CACNA1C: variants seen among roughly 807,000 people sequenced by gnomAD.
CACNA1C encodes calcium voltage-gated channel subunit alpha1 C.
A neutral mutation model predicts 229.0 loss-of-function variants in CACNA1C; 30 were observed. That is an observed-to-expected ratio of 0.13 (90% CI 0.10 to 0.18). CACNA1C has a LOEUF of 0.18. Among genes scored for constraint, CACNA1C ranks in the 10% least tolerant of loss-of-function variants. CACNA1C has a pLI of 1.00. For synonymous variants in CACNA1C, 1,114 were observed against 1,132.5 expected (o/e 0.98, Z 0.33); for missense variants, 1,658 against 2,845.0 (o/e 0.58, Z 9.49).
At chr12:1,984,717 A>G (rs756745204) in intron 1 of CACNA1C, among the ~76,000 whole-genome samples, 5 of 140,172 alleles carry the variant, frequency 3.6e-5, no homozygotes, top group Non-Finnish European at 6.1e-5. Context: ...TTTCCCTTTG[A>G]TATTATTCCT....
rs148618218 is a variant in CACNA1C at position 2,442,671 on chromosome 12, T to C, written c.478-6305T>C. ...TAAGAAAAGAGGTTTAATTGGCTCA[T>C]GGTTCTGTGGGCTGTACAGGAAGCA... On this transcript the variant is annotated intron_variant, in intron 3 of 46. Transcript: ENST00000399655. Among the ~76,000 whole-genome samples, 770 of 152,278 alleles carry C rather than the reference T, an allele frequency of 5.1e-3. 6 individuals are homozygous for C. The highest frequency in any genetic ancestry group is 0.017 in the African/African-American group (710 of 41,548).
intron 3 of CACNA1C, among the ~76,000 whole-genome samples, chr12:2,259,589 G>A (rs1316470326): frequency 2.0e-5 from 3 of 152,162 alleles, no homozygotes; most frequent in Non-Finnish European, 2.9e-5. Context: ...GGTTGGGGAC[G>A]ACTTATTTTT....
intron 3 of CACNA1C, among the ~76,000 whole-genome samples, chr12:2,230,263 C>T (rs536250761): frequency 6.6e-6 from 1 of 152,298 alleles, no homozygotes; most frequent in South Asian, 2.1e-4. Flanking sequence ...GGAAGGGCGC[C>T]ATGGGTGTAC....
At chr12:2,663,297 T>C (rs1311001531) in intron 34 of CACNA1C, among the ~76,000 whole-genome samples, 1 of 152,180 alleles carries the variant, frequency 6.6e-6, no homozygotes, top group African/African-American at 2.4e-5. Flanking sequence ...CAAGAATGGC[T>C]GCAATTTAAA....
At chr12:2,422,047 T>A (rs2098984567) in intron 3 of CACNA1C, among the ~76,000 whole-genome samples, 1 of 152,202 alleles carries the variant, frequency 6.6e-6, no homozygotes, top group Admixed American at 6.5e-5. Flanking sequence ...TAGACTTTAA[T>A]TTTTCAATTT....
At chr12:2,430,782 C>T (rs866589186) in intron 3 of CACNA1C, among the ~76,000 whole-genome samples, 1 of 152,142 alleles carries the variant, frequency 6.6e-6, no homozygotes. Flanking sequence ...CCTTTGTGTT[C>T]CCTGCAGTCC....
rs955436470 is a variant in CACNA1C at position 2,160,410 on chromosome 12, T to C, written c.477+39980T>C. ...AAAGAGGACCAAATATCTGCCACCC[T>C]GCATCCTCAGACGGCTCGTAACTTT... On this transcript the variant is annotated intron_variant, in intron 3 of 46. Coordinates refer to ENST00000399655, the MANE Select transcript of CACNA1C (RefSeq NM_000719.7). Among the ~76,000 whole-genome samples the C allele has an allele frequency of 3.3e-5, 5 of 152,346 alleles. 1 individual carries two copies. Among genetic ancestry groups the C allele is most frequent in the Admixed American group, 1.3e-4 (2 of 15,306 alleles).
chr12:2,062,682 C>T (rs1191782950), intron 1 of CACNA1C, among the ~76,000 whole-genome samples: 1 of 152,186 alleles, frequency 6.6e-6, no homozygotes. Flanking sequence ...TGCCAGGGCC[C>T]TCCTTGCTTC....
chr12:2,532,690 T>A (rs1322722994), intron 9 of CACNA1C, among the ~76,000 whole-genome samples: 3 of 152,138 alleles, frequency 2.0e-5, no homozygotes, highest in Non-Finnish European at 4.4e-5. Context: ...CAGGACTCCA[T>A]CCCCAAATCA....
At chr12:1,999,113 G>C (rs1352709914) in intron 1 of CACNA1C, among the ~76,000 whole-genome samples, 1 of 152,202 alleles carries the variant, frequency 6.6e-6, no homozygotes, top group Admixed American at 6.5e-5. Flanking sequence ...TATTAGAAAT[G>C]CAAGCTCTTG....
chr12:2,616,559 C>T (rs2080696187), intron 29 of CACNA1C, among the ~76,000 whole-genome samples: 1 of 152,260 alleles, frequency 6.6e-6, no homozygotes, highest in Non-Finnish European at 1.5e-5. Context: ...CCTAAGAAGG[C>T]AGCAAGCGCA....
At chr12:2,450,381 C>G (rs572907913) in intron 4 of CACNA1C, among the ~76,000 whole-genome samples, 4 of 151,582 alleles carry the variant, frequency 2.6e-5, no homozygotes, top group African/African-American at 9.7e-5. Flanking sequence ...GGTGAAACCC[C>G]GTCTCTACTA....
chr12:2,294,719 C>T (rs535855405), intron 3 of CACNA1C, among the ~76,000 whole-genome samples: 1 of 152,164 alleles, frequency 6.6e-6, no homozygotes, highest in Non-Finnish European at 1.5e-5. Flanking sequence ...TAATATGTAA[C>T]ATGTCGCCTC....
chr12:2,281,448 T>C (rs1021400120), intron 3 of CACNA1C, among the ~76,000 whole-genome samples: 3 of 152,210 alleles, frequency 2.0e-5, no homozygotes, highest in Non-Finnish European at 4.4e-5. Context: ...CTTTAACATG[T>C]CTTGCAGTGC....
intron 1 of CACNA1C, among the ~76,000 whole-genome samples, chr12:2,111,202 C>T (rs935363479): frequency 1.3e-5 from 2 of 152,232 alleles, no homozygotes; most frequent in African/African-American, 4.8e-5. Context: ...TGGTGTGCTC[C>T]AGAAAGGTCC....
intron 3 of CACNA1C, among the ~76,000 whole-genome samples, chr12:2,437,940 AGTG>A (rs1186557609): frequency 6.8e-4 from 82 of 120,554 alleles, no homozygotes; most frequent in Admixed American, 1.8e-3. Flanking sequence ...GTGGCAGTGG[AGTG>A]GTGGTGGTGG....
chr12:2,053,435 A>G lies in CACNA1C; in HGVS notation c.-128A>G, dbSNP rs2052918304. 1.4e-6 allele frequency: 2 copies of G among 1,456,712 alleles called. No individual in the cohort carries two copies. Among genetic ancestry groups the G allele is most frequent in the East Asian group, 2.7e-5 (1 of 36,760 alleles). The allele number at this position is 1,456,712 out of a possible 1,614,324, so 90.2% of individuals were successfully genotyped here. ...CGGGGAAGAAGAAACGCTGCAGACCACGGCTTCCTCGAATCTTGCGCGAAA... is the reference window on the plus strand; with the variant it reads ...CGGGGAAGAAGAAACGCTGCAGACCGCGGCTTCCTCGAATCTTGCGCGAAA... On this transcript the variant is annotated 5_prime_UTR_variant, in exon 1 of 47. Coordinates refer to ENST00000399655, the MANE Select transcript of CACNA1C (RefSeq NM_000719.7). The surrounding 1 kb of genome is among the most constrained non-coding windows in gnomAD (Gnocchi z 5.8).
chr12:2,041,476 C>G (rs34755981), intron 1 of CACNA1C, among the ~76,000 whole-genome samples: 23,812 of 151,722 alleles, frequency 0.16, 1,931 homozygotes, highest in African/African-American at 0.18. Context: ...CGGGGTTTCA[C>G]CATGTTCGCC....
chr12:2,276,476 AT>A (rs2088129788), intron 3 of CACNA1C, among the ~76,000 whole-genome samples: 1 of 152,232 alleles, frequency 6.6e-6, no homozygotes, highest in African/African-American at 2.4e-5. Context: ...GTTCAAGTGC[AT>A]GGGAAAGAAT....
Sources: allele counts gnomAD v4.1 joint callset (sites outside exome capture counted in the v4.1 genomes callset), GRCh38; gene constraint gnomAD v4.1.1; non-coding constraint Gnocchi (gnomAD v3.1); transcripts MANE v1.5; gene names NCBI Gene and HGNC (gene_info 2026-07-23, HGNC 2026-07-21).